NOPCHAP1: variants seen among roughly 807,000 people sequenced by gnomAD.
NOPCHAP1 encodes DNA damage-sensitive RNA 1.
A neutral mutation model predicts 14.0 loss-of-function variants in NOPCHAP1; 13 were observed. The observed-to-expected ratio is 0.93, with a 90% CI of 0.60 to 1.47. The LOEUF (loss-of-function observed/expected upper bound fraction) is 1.47, where lower values mean the gene tolerates loss of function less well. Ranked by LOEUF, NOPCHAP1 falls within the 40% of genes most tolerant of loss-of-function variation. The probability of loss-of-function intolerance (pLI) is 0.00; values close to 1 mark genes in which losing one functional copy is unlikely to be tolerated. For missense variants in NOPCHAP1, 230 were observed against 226.9 expected (o/e 1.01, Z -0.09); for synonymous variants, 78 against 78.4 (o/e 1.00, Z 0.03).
rs932880005 is a variant in NOPCHAP1, at chr12:105,000,151, T to C, written c.*5455T>C. ...ACATAGATAGTCCCCAAGTCTTGAG[T>C]ATGTGATACCTGGAAGCATAATATA... is the stretch of plus-strand genomic sequence containing the variant. On this transcript the variant is annotated 3_prime_UTR_variant, in exon 4 of 4. Coordinates refer to ENST00000552951, the MANE Select transcript of NOPCHAP1 (RefSeq NM_152318.3). The C allele has an allele frequency of 8.5e-5, 13 of 152,236 alleles. No homozygotes were observed. The highest frequency in any genetic ancestry group is 3.1e-4 in the African/African-American group (13 of 41,460). The allele number at this position is 152,236 out of a possible 1,614,324, so 9.4% of individuals were successfully genotyped here.
chr12:104,988,168 T>C lies in NOPCHAP1; in HGVS notation c.117T>C (p.Gly39=), dbSNP rs1319180701. ...LLTAGSDGRG[G]IWDRLLINSQ... is the part of the protein sequence containing the mutation. ...GTGTTTGTGTGTCTGTATTTTCAGGTATATGGGACAGGTTGCTCATCAACT... is the reference window on the plus strand; with the variant it reads ...GTGTTTGTGTGTCTGTATTTTCAGGCATATGGGACAGGTTGCTCATCAACT... Residue 39 remains glycine, a splice_region_variant and synonymous_variant, in exon 2 of 4, where the codon GGT becomes GGC. Coordinates refer to ENST00000552951, the MANE Select transcript of NOPCHAP1 (RefSeq NM_152318.3). 1 of 1,607,222 alleles carries C rather than the reference T, an allele frequency of 6.2e-7. No homozygotes were observed.
intron 1 of NOPCHAP1, among the ~76,000 whole-genome samples, chr12:104,987,801 C>T (rs1198833843): frequency 1.3e-5 from 2 of 152,222 alleles, no homozygotes; most frequent in Non-Finnish European, 2.9e-5. Flanking sequence ...TGTTACACAA[C>T]TAGTAACCAT....
Position 105,006,919 on chromosome 12 carries a change from A to G in NOPCHAP1, c.*12223A>G, listed in dbSNP as rs1428228734. The G allele has an allele frequency of 6.6e-6, 1 of 151,882 alleles. No homozygotes were observed. Among genetic ancestry groups the G allele is most frequent in the Admixed American group, 6.5e-5 (1 of 15,268 alleles). The allele number at this position is 151,882 out of a possible 1,614,324, so 9.4% of individuals were successfully genotyped here. On this transcript the variant is annotated 3_prime_UTR_variant, in exon 4 of 4. Transcript: ENST00000552951. ...ATGAGGGTACTTCTGTTTGTATTTA[A>G]AACCTGTTTGAGAAGATATCCTTTC...
rs1013511638 is a variant in NOPCHAP1, at chr12:104,997,418, C to T, written c.*2722C>T. The T allele has an allele frequency of 1.3e-5, 2 of 152,116 alleles. No individual in the cohort carries two copies. The highest frequency in any genetic ancestry group is 4.8e-5 in the African/African-American group (2 of 41,416). The allele number at this position is 152,116 out of a possible 1,614,324, so 9.4% of individuals were successfully genotyped here. A position where few individuals can be genotyped will look rare whatever the true frequency, so the allele number is the denominator to read the frequency against. ...TAAGAATGCTGAGGGTGTGGCACACCAGCATGGCACATGTATACATATGTA... is the reference window on the plus strand; with the variant it reads ...TAAGAATGCTGAGGGTGTGGCACACTAGCATGGCACATGTATACATATGTA... On this transcript the variant is annotated 3_prime_UTR_variant, in exon 4 of 4. Coordinates refer to ENST00000552951, the MANE Select transcript of NOPCHAP1 (RefSeq NM_152318.3).
chr12:104,986,521 G>C, intron 1 of NOPCHAP1, 54 bp downstream of exon 1: 1 of 1,454,316 alleles, frequency 6.9e-7, no homozygotes, highest in Non-Finnish European at 9.3e-7. Flanking sequence ...GAGGAGGCGC[G>C]GCCGGTGCAG....
intron 3 of NOPCHAP1, 138 bp downstream of exon 3, chr12:104,991,986 T>G: frequency 9.8e-7 from 1 of 1,024,670 alleles, no homozygotes; most frequent in Non-Finnish European, 1.3e-6. Context: ...AGGTACATAG[T>G]CATTTTATGA....
In NOPCHAP1 at chr12:105,002,043, T is replaced by C. The variant is rs1873619989; in HGVS notation, c.*7347T>C. ...TTGTGGACTCATTCTAGTGGGGAAATAGTATGGCCCCAAGGAAGGAGGCTT... is the reference window on the plus strand; with the variant it reads ...TTGTGGACTCATTCTAGTGGGGAAACAGTATGGCCCCAAGGAAGGAGGCTT... On this transcript the variant is annotated 3_prime_UTR_variant, in exon 4 of 4. Transcript: ENST00000552951. 6.6e-6 allele frequency: 1 copy of C among 152,150 alleles called. No individual in the cohort carries two copies. Among genetic ancestry groups the C allele is most frequent in the African/African-American group, 2.4e-5 (1 of 41,414 alleles). 9.4% of individuals were successfully genotyped at this position (152,150 alleles called of 1,614,324 possible). A position where few individuals can be genotyped will look rare whatever the true frequency, so the allele number is the denominator to read the frequency against.
At chr12:104,990,803 C>T (rs1194429243) in intron 2 of NOPCHAP1, among the ~76,000 whole-genome samples, 2 of 152,164 alleles carry the variant, frequency 1.3e-5, no homozygotes, top group African/African-American at 4.8e-5. Context: ...TTCTTGGTTG[C>T]AAATGACTAA....
Position 105,000,335 on chromosome 12 carries a change from G to A in NOPCHAP1, c.*5639G>A, listed in dbSNP as rs1230315692. The A allele has an allele frequency of 2.0e-5, 3 of 152,170 alleles. No homozygotes were observed. Among genetic ancestry groups the A allele is most frequent in the African/African-American group, 7.2e-5 (3 of 41,432 alleles). 9.4% of individuals were successfully genotyped at this position (152,170 alleles called of 1,614,324 possible). A position where few individuals can be genotyped will look rare whatever the true frequency, so the allele number is the denominator to read the frequency against. On this transcript the variant is annotated 3_prime_UTR_variant, in exon 4 of 4. Coordinates refer to ENST00000552951, the MANE Select transcript of NOPCHAP1 (RefSeq NM_152318.3). Reference sequence around the variant, plus strand: ...CTTTCTCTTCCTTTGGGGTTTCAGGGTAATTCTCTTCGGGAACTCAGAGAG... The same window carrying A: ...CTTTCTCTTCCTTTGGGGTTTCAGGATAATTCTCTTCGGGAACTCAGAGAG...
rs1461893114 is a variant in NOPCHAP1, at chr12:105,006,844, TA to T, written c.*12149del. The T allele has an allele frequency of 2.6e-5, 4 of 152,126 alleles. No individual in the cohort carries two copies. The highest frequency in any genetic ancestry group is 5.9e-5 in the Non-Finnish European group (4 of 68,018). 9.4% of individuals were successfully genotyped at this position (152,126 alleles called of 1,614,324 possible). A position where few individuals can be genotyped will look rare whatever the true frequency, so the allele number is the denominator to read the frequency against. ...TGTTATATAGGTATTTTGTGTGTCA[TA>T]GGGGTTTGGTGTGCAGATTATTTCG... On this transcript the variant is annotated 3_prime_UTR_variant, in exon 4 of 4. Transcript: ENST00000552951.
At chr12:104,988,059 A>G in intron 1 of NOPCHAP1, 108 bp from the exon 2 acceptor site, 1 of 757,086 alleles carries the variant, frequency 1.3e-6, no homozygotes, top group Admixed American at 2.6e-5. Flanking sequence ...ATTTTGGGGG[A>G]GTGTGGACAG....
chr12:104,994,469 T>A lies in NOPCHAP1; in HGVS notation c.340-9T>A. 1 of 1,613,088 alleles carries A rather than the reference T, an allele frequency of 6.2e-7. No individual in the cohort carries two copies. Among genetic ancestry groups the A allele is most frequent in the Admixed American group, 1.7e-5 (1 of 60,020 alleles). ...CTGAAATAGATTTCCTGTCCACTAC[T>A]TTTTGCAGGATGTGGCTTTGTTTGA... On this transcript the variant is annotated splice_polypyrimidine_tract_variant and intron_variant, in intron 3 of 3. Transcript: ENST00000552951.
rs1873538265 is a variant in NOPCHAP1 at position 104,998,367 on chromosome 12, A to T, written c.*3671A>T. On this transcript the variant is annotated 3_prime_UTR_variant, in exon 4 of 4. Transcript: ENST00000552951. Reference sequence around the variant, plus strand: ...TGGATGATTTTTTTTCTTTTATCCTACTTTATGTCCTTGTGTGTTTAATTG... The same window carrying T: ...TGGATGATTTTTTTTCTTTTATCCTTCTTTATGTCCTTGTGTGTTTAATTG... 6.6e-6 allele frequency: 1 copy of T among 151,934 alleles called. No homozygotes were observed. Among genetic ancestry groups the T allele is most frequent in the African/African-American group, 2.4e-5 (1 of 41,330 alleles). 9.4% of individuals were successfully genotyped at this position (151,934 alleles called of 1,614,324 possible). A position where few individuals can be genotyped will look rare whatever the true frequency, so the allele number is the denominator to read the frequency against.
At position 104,995,178 on chromosome 12, in the gene NOPCHAP1, A is replaced by C. The variant is rs1348418743; in HGVS notation, c.*482A>C. On this transcript the variant is annotated 3_prime_UTR_variant, in exon 4 of 4. Coordinates refer to ENST00000552951, the MANE Select transcript of NOPCHAP1 (RefSeq NM_152318.3). ...AGGTTTTGGTGTGTAGAGTACAGGAATAACTTGATGGGTTACAGCTAGGTG... is the reference window on the plus strand; with the variant it reads ...AGGTTTTGGTGTGTAGAGTACAGGACTAACTTGATGGGTTACAGCTAGGTG... 5.8e-6 allele frequency: 1 copy of C among 173,036 alleles called. No homozygotes were observed. The allele number at this position is 173,036 out of a possible 1,614,324, so 10.7% of individuals were successfully genotyped here.
Position 105,011,736 on chromosome 12 carries a change from C to T in NOPCHAP1, c.*17040C>T, listed in dbSNP as rs1056171700. ...CTTGTCTGTAAAGGATTTTATTTCTCGTTCGCTTATGAAGCTTAGTTTGGC... is the reference window on the plus strand; with the variant it reads ...CTTGTCTGTAAAGGATTTTATTTCTTGTTCGCTTATGAAGCTTAGTTTGGC... On this transcript the variant is annotated 3_prime_UTR_variant, in exon 4 of 4. Coordinates refer to ENST00000552951, the MANE Select transcript of NOPCHAP1 (RefSeq NM_152318.3). 4 of 152,124 alleles carry T rather than the reference C, an allele frequency of 2.6e-5. No homozygotes were observed. Among genetic ancestry groups the T allele is most frequent in the East Asian group, 3.8e-4 (2 of 5,200 alleles). 9.4% of individuals were successfully genotyped at this position (152,124 alleles called of 1,614,324 possible). A position where few individuals can be genotyped will look rare whatever the true frequency, so the allele number is the denominator to read the frequency against.
chr12:104,993,372 A>T (rs1308983012), intron 3 of NOPCHAP1, among the ~76,000 whole-genome samples: 1 of 152,100 alleles, frequency 6.6e-6, no homozygotes, highest in Non-Finnish European at 1.5e-5. Flanking sequence ...TGGGGAAAAA[A>T]AACCTCCAGG....
intron 1 of NOPCHAP1, 97 bp downstream of exon 1, chr12:104,986,564 C>G: frequency 9.7e-7 from 1 of 1,025,776 alleles, no homozygotes; most frequent in Non-Finnish European, 1.4e-6. Context: ...CCTGCCCGGG[C>G]TCCGTACCCT....
chr12:105,003,904 T>TTC lies in NOPCHAP1; in HGVS notation c.*9210_*9211dup, dbSNP rs1212877276. 6.6e-6 allele frequency: 1 copy of TTC among 152,208 alleles called. No homozygotes were observed. Among genetic ancestry groups the TTC allele is most frequent in the Non-Finnish European group, 1.5e-5 (1 of 68,032 alleles). The allele number at this position is 152,208 out of a possible 1,614,324, so 9.4% of individuals were successfully genotyped here. ...CTATGACTGGCTGAAGCTCACCTGT[T>TTC]TCTGTCTGGCTTAAACCTAGCTATT... On this transcript the variant is annotated 3_prime_UTR_variant, in exon 4 of 4. Transcript: ENST00000552951.
At position 104,996,049 on chromosome 12, in the gene NOPCHAP1, G is replaced by C. The variant is rs1873494959; in HGVS notation, c.*1353G>C. 6.6e-6 allele frequency: 1 copy of C among 152,086 alleles called. No homozygotes were observed. Among genetic ancestry groups the C allele is most frequent in the African/African-American group, 2.4e-5 (1 of 41,408 alleles). The allele number at this position is 152,086 out of a possible 1,614,324, so 9.4% of individuals were successfully genotyped here. On this transcript the variant is annotated 3_prime_UTR_variant, in exon 4 of 4. Coordinates refer to ENST00000552951, the MANE Select transcript of NOPCHAP1 (RefSeq NM_152318.3). ...AAGGTTGGTGCAAATTTCAATTGCT[G>C]ACCATTTTAGACTCTGATAATAGGA...
Sources: gnomAD v4.1 joint callset for allele counts (sites outside exome capture counted in the v4.1 genomes callset) on GRCh38, gnomAD v4.1.1 for gene constraint, MANE v1.5 for transcripts, NCBI Gene and HGNC (gene_info 2026-07-23, HGNC 2026-07-21) for gene names.